SMAD9: variants seen among roughly 807,000 people sequenced by gnomAD.
SMAD9 encodes the protein SMAD family member 9.
Under a neutral mutation model 46.1 loss-of-function variants are expected in SMAD9, and 36 were observed. The observed-to-expected ratio is 0.78, with a 90% CI of 0.60 to 1.03. The LOEUF is 1.03. Among genes scored for constraint, SMAD9 ranks in the 50% least tolerant of loss-of-function variants. The pLI is 0.00. For synonymous variants in SMAD9, 245 were observed against 237.1 expected (o/e 1.03, Z -0.31); for missense variants, 572 against 599.8 (o/e 0.95, Z 0.48).
intron 5 of SMAD9, among the ~76,000 whole-genome samples, chr13:36,864,391 C>T (rs564530648): frequency 6.6e-6 from 1 of 152,294 alleles, no homozygotes; most frequent in East Asian, 1.9e-4. Context: ...ACCTACAGGG[C>T]TGCATTCCCA....
In SMAD9 at chr13:36,845,235, C is replaced by T. The variant is rs1391093281; in HGVS notation, c.*3441G>A. The T allele has an allele frequency of 6.6e-6, 1 of 151,894 alleles. No homozygotes were observed. The highest frequency in any genetic ancestry group is 1.5e-5 in the Non-Finnish European group (1 of 68,008). 9.4% of individuals were successfully genotyped at this position (151,894 alleles called of 1,614,324 possible). ...TGCTGTTTTGTTGCTGTTATGGGAA[C>T]ATCCATATCCTTAGAAGACAATAAA... On this transcript the variant is annotated 3_prime_UTR_variant, in exon 7 of 7. Transcript: ENST00000379826.
At chr13:36,911,615 T>TGGG (rs11322701) in intron 1 of SMAD9, among the ~76,000 whole-genome samples, 2 of 84,332 alleles carry the variant, frequency 2.4e-5, no homozygotes, top group Non-Finnish European at 2.8e-5. Flanking sequence ...AAAGGCTGCC[T>TGGG]GGGGGGGGGG....
intron 5 of SMAD9, among the ~76,000 whole-genome samples, chr13:36,860,795 T>TATC (rs1476842811): frequency 6.6e-6 from 1 of 152,004 alleles, no homozygotes; most frequent in Non-Finnish European, 1.5e-5. Flanking sequence ...TGGGGGTAGC[T>TATC]ATCATCATCA....
chr13:36,856,750 A>C (rs1298765901), intron 5 of SMAD9, among the ~76,000 whole-genome samples: 1 of 152,032 alleles, frequency 6.6e-6, no homozygotes, highest in Non-Finnish European at 1.5e-5. Context: ...GGCTTATTAA[A>C]ACAGATCACT....
At chr13:36,875,681 A>G (rs530960625) in intron 2 of SMAD9, among the ~76,000 whole-genome samples, 1 of 152,364 alleles carries the variant, frequency 6.6e-6, no homozygotes, top group Non-Finnish European at 1.5e-5. Context: ...ACGATGTTCA[A>G]GTAAACACTC....
chr13:36,851,245 T>C (rs1593545173), intron 6 of SMAD9, among the ~76,000 whole-genome samples: 5 of 152,280 alleles, frequency 3.3e-5, no homozygotes, highest in East Asian at 3.9e-4. Flanking sequence ...CCCTGCTCAT[T>C]AGGCCCCAGC....
At position 36,853,529 on chromosome 13, in the gene SMAD9, C is replaced by T. The variant is rs376155456; in HGVS notation, c.1150G>A (p.Val384Ile). ...TGAGCGAAGAGCTGGTTGTTGAAGA[C>T]CTTGAGGCTGCAGCCGCTGGGGATC... The part of the protein sequence containing the change: ...CKIPSGCSLK[V>I]FNNQLFAQLL... The change falls in exon 6 of 7, where the codon GTC becomes ATC. Residue 384 changes from valine to isoleucine, a missense_variant. Coordinates refer to ENST00000379826, the MANE Select transcript of SMAD9 (RefSeq NM_001127217.3). 1.8e-5 allele frequency: 29 copies of T among 1,614,024 alleles called. No homozygotes were observed. The African/African-American group carries it at 1.9e-4, about 10-fold the overall frequency.
chr13:36,910,196 C>CA (rs367794803), intron 1 of SMAD9, among the ~76,000 whole-genome samples: 25,524 of 119,010 alleles, frequency 0.21, 2,503 homozygotes, highest in Non-Finnish European at 0.27. Context: ...GACTCCGTCT[C>CA]AAAAAAAAAA....
chr13:36,894,451 T>C (rs9547691), intron 1 of SMAD9, among the ~76,000 whole-genome samples: 30,677 of 152,104 alleles, frequency 0.2, 3,216 homozygotes, highest in Non-Finnish European at 0.24. Context: ...TTAAGCCTCT[T>C]TTTCTTTATA....
intron 1 of SMAD9, among the ~76,000 whole-genome samples, chr13:36,912,465 G>T (rs1230310750): frequency 6.6e-6 from 1 of 152,122 alleles, no homozygotes; most frequent in Non-Finnish European, 1.5e-5. Flanking sequence ...ATTATTATCA[G>T]GCAAGTAATA....
At chr13:36,858,947 G>T (rs2058153026) in intron 5 of SMAD9, among the ~76,000 whole-genome samples, 1 of 152,086 alleles carries the variant, frequency 6.6e-6, no homozygotes, top group Non-Finnish European at 1.5e-5. Context: ...CTACGCTCAA[G>T]CAATCCACCC....
chr13:36,888,825 G>C (rs1205116135), intron 1 of SMAD9, among the ~76,000 whole-genome samples: 1 of 152,178 alleles, frequency 6.6e-6, no homozygotes, highest in Non-Finnish European at 1.5e-5. Context: ...TGATTAACTT[G>C]ATCGTCCTTT....
chr13:36,876,971 T>C (rs2058350938), intron 2 of SMAD9, among the ~76,000 whole-genome samples: 1 of 152,184 alleles, frequency 6.6e-6, no homozygotes, highest in Non-Finnish European at 1.5e-5. Flanking sequence ...TTACCCATCT[T>C]TCCTTCTGGA....
At chr13:36,863,454 A>T (rs2058202981) in intron 5 of SMAD9, among the ~76,000 whole-genome samples, 1 of 152,210 alleles carries the variant, frequency 6.6e-6, no homozygotes, top group South Asian at 2.1e-4. Context: ...GCTCTTGCTC[A>T]TGTGGCTTCT....
intron 1 of SMAD9, among the ~76,000 whole-genome samples, chr13:36,885,331 C>T (rs2058436023): frequency 1.3e-5 from 2 of 152,102 alleles, no homozygotes; most frequent in African/African-American, 4.8e-5. Context: ...ACCATTGGCA[C>T]ACATATATCA....
At chr13:36,876,746 G>T (rs2058348994) in intron 2 of SMAD9, among the ~76,000 whole-genome samples, 3 of 152,058 alleles carry the variant, frequency 2.0e-5, no homozygotes, top group African/African-American at 4.8e-5. Flanking sequence ...TATCTAAAAT[G>T]GATGGCTAAA....
At chr13:36,889,768 A>T (rs1243483739) in intron 1 of SMAD9, among the ~76,000 whole-genome samples, 1 of 152,138 alleles carries the variant, frequency 6.6e-6, no homozygotes, top group African/African-American at 2.4e-5. Flanking sequence ...CAAAATGTAG[A>T]TCCTTAGAAA....
chr13:36,909,359 A>C (rs2058642514), intron 1 of SMAD9, among the ~76,000 whole-genome samples: 1 of 152,188 alleles, frequency 6.6e-6, no homozygotes, highest in Non-Finnish European at 1.5e-5. Flanking sequence ...GAATATTAAG[A>C]TCATATTTAA....
chr13:36,856,123 C>T (rs1176424791), intron 5 of SMAD9, among the ~76,000 whole-genome samples: 9 of 152,150 alleles, frequency 5.9e-5, no homozygotes, highest in Non-Finnish European at 1.3e-4. Context: ...AACCCCAGGC[C>T]AGGGCAAAAT....
Sources: gnomAD v4.1 joint callset for allele counts (sites outside exome capture counted in the v4.1 genomes callset) on GRCh38, gnomAD v4.1.1 for gene constraint, MANE v1.5 for transcripts, NCBI Gene and HGNC (gene_info 2026-07-23, HGNC 2026-07-21) for gene names.